The following NOBOX variants were observed in gnomAD, a reference collection of about 807,000 sequenced individuals.
The protein encoded by NOBOX is homeobox protein NOBOX.
In NOBOX, 46 loss-of-function variants were observed where a neutral mutation model predicts 60.2. That is an observed-to-expected ratio of 0.76 (90% confidence interval 0.60 to 0.98). NOBOX has a LOEUF of 0.98. Among genes scored for constraint, NOBOX ranks in the 50% least tolerant of loss-of-function variants. The probability of loss-of-function intolerance (pLI) is 0.00; values close to 1 mark genes in which losing one functional copy is unlikely to be tolerated. For synonymous variants in NOBOX, 360 were observed against 346.3 expected (o/e 1.04, Z -0.44); for missense variants, 880 against 865.5 (o/e 1.02, Z -0.21).
Position 144,401,627 on chromosome 7 carries a change from G to A in NOBOX, c.293-30C>T, listed in dbSNP as rs1222881548. 2.0e-6 allele frequency: 3 copies of A among 1,496,292 alleles called. No homozygotes were observed. Among genetic ancestry groups the A allele is most frequent in the South Asian group, 2.8e-5 (2 of 71,322 alleles). 92.7% of individuals were successfully genotyped at this position (1,496,292 alleles called of 1,614,324 possible). A position where few individuals can be genotyped will look rare whatever the true frequency, so the allele number is the denominator to read the frequency against. ...GGGGAGCCAACATCCACTGACCTTA[G>A]CACCAGGGAGAAGGAAGAACTGGAC... On this transcript the variant is annotated intron_variant, in intron 3 of 9. Transcript: ENST00000467773. This position sits in a 1 kb window ranked among gnomAD's most constrained non-coding sequence, Gnocchi z 4.2.
chr7:144,398,852 C>T (rs1294246106), intron 8 of NOBOX, 98 bp downstream of exon 6: 13 of 710,804 alleles, frequency 1.8e-5, no homozygotes, highest in East Asian at 2.7e-5. Flanking sequence ...GTGCTCCTCT[C>T]AGTTAACCCT....
At chr7:144,402,007 C>T (rs1370920881) in intron 2 of NOBOX, 1 of 1,310,424 alleles carries the variant, frequency 7.6e-7, no homozygotes, top group South Asian at 1.2e-5. Flanking sequence ...CTGCTTCTCC[C>T]AAGGCGGGAT....
At position 144,397,339 on chromosome 7, in the gene NOBOX, T is replaced by TAAGG; in HGVS notation, c.1973_1976dup (p.Leu659PhefsTer28). The TAAGG allele has an allele frequency of 6.5e-7, 1 of 1,537,088 alleles. No homozygotes were observed. The highest frequency in any genetic ancestry group is 8.7e-7 in the Non-Finnish European group (1 of 1,146,848). On this transcript the variant is annotated frameshift_variant, in exon 10 of 10. Transcript: ENST00000467773. LOFTEE classifies it low-confidence loss of function (END_TRUNC). Reference sequence around the variant, plus strand: ...GTGGTTCCTCTTTTGCCTTGCTGAGTAAGGGCCCAGTCCCTGGTCTGGCCC... The same window carrying TAAGG: ...GTGGTTCCTCTTTTGCCTTGCTGAGTAAGGAAGGGCCCAGTCCCTGGTCTGGCCC...
intron 4 of NOBOX, 78 bp downstream of exon 2, chr7:144,400,968 G>T (rs1399156916): frequency 7.9e-7 from 1 of 1,260,074 alleles, no homozygotes; most frequent in East Asian, 2.4e-5. Flanking sequence ...GGTCTCCTGG[G>T]GGTAGATTCT....
Position 144,410,160 on chromosome 7 carries a change from C to T in NOBOX, c.68G>A (p.Gly23Asp), listed in dbSNP as rs563911669. ...GAGCTCACCCTCCTGGGCTTTGAAG[C>T]CATCCTTGTCTCTGGTGTCCCAGGT... Residue 23 changes from glycine to aspartate, a missense_variant, in exon 1 of 10, where the codon GGC (glycine) becomes GAC (aspartate). Transcript: ENST00000467773. 103 of 1,567,058 alleles carry T rather than the reference C, an allele frequency of 6.6e-5. No homozygotes were observed. The East Asian group carries it at 2.0e-3, about 31-fold the overall frequency.
At chr7:144,407,761 G>A (rs189728671) in intron 1 of NOBOX, among the ~76,000 whole-genome samples, 13 of 152,236 alleles carry the variant, frequency 8.5e-5, no homozygotes, top group Admixed American at 5.2e-4. Flanking sequence ...GGAAACTGCC[G>A]GGCAGGGCCA....
At chr7:144,398,190 C>T in intron 9 of NOBOX, 92 bp downstream of exon 7, 1 of 1,144,884 alleles carries the variant, frequency 8.7e-7, no homozygotes, top group Non-Finnish European at 1.3e-6. Flanking sequence ...CACCCATGAC[C>T]TGCCTCAGTC....
rs180926217 is a variant in NOBOX at position 144,399,839 on chromosome 7, T to C, written c.1072A>G (p.Lys358Glu). Residue 358 changes from lysine (K) to glutamate (E), a missense_variant, in exon 6 of 10, where the codon AAG becomes GAG. By Grantham distance (56) the Lys-to-Glu change is moderately conservative. Transcript: ENST00000467773. Reference sequence around the variant, plus strand: ...TTCAGTTTCTCCATTTTTCGCCACTTGGCCCGGCGATTCTGGAACCACACC... The same window carrying C: ...TTCAGTTTCTCCATTTTTCGCCACTCGGCCCGGCGATTCTGGAACCACACC... 2 of 1,612,390 alleles carry C rather than the reference T, an allele frequency of 1.2e-6. No individual in the cohort carries two copies. The highest frequency in any genetic ancestry group is 4.5e-5 in the East Asian group (2 of 44,798).
At chr7:144,404,053 C>T (rs2053965653) in intron 2 of NOBOX, among the ~76,000 whole-genome samples, 1 of 152,108 alleles carries the variant, frequency 6.6e-6, no homozygotes, top group African/African-American at 2.4e-5. Flanking sequence ...CTTCGGGGGG[C>T]TGGGCCCAGC....
rs1174984569 is a variant in NOBOX, at chr7:144,398,262, C to G, written c.1774+20G>C. On this transcript the variant is annotated intron_variant, in intron 9 of 9. Transcript: ENST00000467773. ...CCTTCCTCAATCTCAAGGGGACCTT[C>G]TCTCCCAGCCTCAACTCACCTATAT... 2.9e-5 allele frequency: 45 copies of G among 1,536,296 alleles called. No individual in the cohort carries two copies. The highest frequency in any genetic ancestry group is 1.7e-4 in the Middle Eastern group (1 of 5,766).
rs557924552 is a variant in NOBOX at position 144,397,591 on chromosome 7, A to G, written c.1775-50T>C. On this transcript the variant is annotated intron_variant, in intron 9 of 9. Transcript: ENST00000467773. ...TTACCAGACAGGATGGAGAGTATCA[A>G]CTATCATTAACAGTGTTCTACAACA... 5.1e-5 allele frequency: 72 copies of G among 1,403,580 alleles called. 1 individual carries two copies. In the Admixed American group the frequency reaches 1.6e-3, roughly 32 times the overall value. The allele number at this position is 1,403,580 out of a possible 1,614,324, so 86.9% of individuals were successfully genotyped here. A position where few individuals can be genotyped will look rare whatever the true frequency, so the allele number is the denominator to read the frequency against.
At chr7:144,400,736 C>T (rs2053931527) in intron 4 of NOBOX, among the ~76,000 whole-genome samples, 2 of 152,120 alleles carry the variant, frequency 1.3e-5, no homozygotes, top group South Asian at 4.1e-4. Flanking sequence ...CGGGGTTTCA[C>T]CATGATGGCC....
chr7:144,409,635 ATAT>A (rs1390246507), intron 1 of NOBOX, among the ~76,000 whole-genome samples: 1 of 152,248 alleles, frequency 6.6e-6, no homozygotes, highest in Non-Finnish European at 1.5e-5. Flanking sequence ...TTGAACTTAA[ATAT>A]TATACGTTTT....
chr7:144,404,855 C>A (rs762228294), intron 1 of NOBOX, among the ~76,000 whole-genome samples: 1 of 152,132 alleles, frequency 6.6e-6, no homozygotes, highest in African/African-American at 2.4e-5. Flanking sequence ...TTTAAAAATT[C>A]TTGCCTCTTC....
Position 144,398,288 on chromosome 7 carries a change from T to C in NOBOX, c.1768A>G (p.Asn590Asp). Reference sequence around the variant, plus strand: ...TCTCCCAGCCTCAACTCACCTATATTCCCAGCAGGTGGTTGCATCAGGATC... The same window carrying C: ...TCTCCCAGCCTCAACTCACCTATATCCCCAGCAGGTGGTTGCATCAGGATC... The change falls in exon 9 of 10, where the codon AAT becomes GAT. Residue 590 changes from asparagine (N) to aspartate (D), a missense_variant. Asn to Asp is a conservative substitution (Grantham distance 23, BLOSUM62 1). Coordinates refer to ENST00000467773, the MANE Select transcript of NOBOX (RefSeq NM_001080413.3). 6.5e-7 allele frequency: 1 copy of C among 1,537,122 alleles called. No homozygotes were observed. The highest frequency in any genetic ancestry group is 8.7e-7 in the Non-Finnish European group (1 of 1,146,910).
At position 144,401,056 on chromosome 7, in the gene NOBOX, T is replaced by C; in HGVS notation, c.834A>G (p.Leu278=). The stretch of plus-strand genomic sequence containing the variant: ...TCTTTAGGGACTTACCTGAGCGGTA[T>C]AGGGTTCGTGTCTTTTTCCTAATTT... The change falls in exon 4 of 10, where the codon CTA becomes CTG. Residue 278 remains leucine, a synonymous_variant. Coordinates refer to ENST00000467773, the MANE Select transcript of NOBOX (RefSeq NM_001080413.3). This position sits in a 1 kb window ranked among gnomAD's most constrained non-coding sequence, Gnocchi z 4.2. 1 of 1,525,722 alleles carries C rather than the reference T, an allele frequency of 6.6e-7. No homozygotes were observed. Among genetic ancestry groups the C allele is most frequent in the Non-Finnish European group, 8.8e-7 (1 of 1,139,444 alleles). 94.5% of individuals were successfully genotyped at this position (1,525,722 alleles called of 1,614,324 possible).
Position 144,407,271 on chromosome 7 carries a change from A to G in NOBOX, c.86-2591T>C, listed in dbSNP as rs2053992151. 2.6e-5 allele frequency among the ~76,000 whole-genome samples: 4 copies of G among 152,168 alleles called. No homozygotes were observed. In the South Asian group the frequency reaches 8.3e-4, roughly 32 times the overall value. ...CAGAAGAAGGCGGCTGATTGAGAAC[A>G]TTTTTTGAAGCAAAACCACAAGGTA... is the stretch of plus-strand genomic sequence containing the variant. On this transcript the variant is annotated intron_variant, in intron 1 of 9. Transcript: ENST00000467773.
chr7:144,397,626 G>A lies in NOBOX; in HGVS notation c.1775-85C>T, dbSNP rs753891345. On this transcript the variant is annotated intron_variant, in intron 9 of 9. Transcript: ENST00000467773. ...ACAGTGTTCTACAACAGATCCCCCC[G>A]TGCCCCAACACACATAGACGCAGCT... 44 of 1,206,398 alleles carry A rather than the reference G, an allele frequency of 3.6e-5. 1 individual carries two copies. Among genetic ancestry groups the A allele is most frequent in the South Asian group, 1.8e-4 (11 of 62,688 alleles). The allele number at this position is 1,206,398 out of a possible 1,614,324, so 74.7% of individuals were successfully genotyped here.
chr7:144,407,754 A>C (rs1238981305), intron 1 of NOBOX, among the ~76,000 whole-genome samples: 2 of 152,194 alleles, frequency 1.3e-5, no homozygotes, highest in African/African-American at 4.8e-5. Flanking sequence ...CTAGAGTGGA[A>C]ACTGCCGGGC....
Sources: allele counts gnomAD v4.1 joint callset (sites outside exome capture counted in the v4.1 genomes callset), GRCh38; gene constraint gnomAD v4.1.1; non-coding constraint Gnocchi (gnomAD v3.1); transcripts MANE v1.5; gene names NCBI Gene and HGNC (gene_info 2026-07-23, HGNC 2026-07-21).